The following CACNA2D4 variants were observed in gnomAD, a reference collection of about 807,000 sequenced individuals.
CACNA2D4 encodes voltage-dependent calcium channel subunit alpha-2/delta-4.
A neutral mutation model predicts 163.8 loss-of-function variants in CACNA2D4; 157 were observed. That is an observed-to-expected ratio of 0.96 (90% CI 0.84 to 1.09). The LOEUF is 1.09. Ranked by LOEUF, CACNA2D4 falls within the 50% of genes least tolerant of loss-of-function variation. The pLI is 0.00. For synonymous variants in CACNA2D4, 598 were observed against 586.9 expected, an observed-to-expected ratio of 1.02 and a Z score of -0.27; for missense variants, 1,410 against 1,479.9, an observed-to-expected ratio of 0.95 and a Z score of 0.78.
intron 6 of CACNA2D4, among the ~76,000 whole-genome samples, chr12:1,890,477 C>T (rs144703966): frequency 1.3e-5 from 2 of 152,340 alleles, no homozygotes; most frequent in Non-Finnish European, 2.9e-5. Flanking sequence ...TTTTCATGCA[C>T]CCTGAAGACA....
chr12:1,893,324 T>C (rs1333638482), intron 6 of CACNA2D4, among the ~76,000 whole-genome samples: 1 of 152,086 alleles, frequency 6.6e-6, no homozygotes, highest in East Asian at 1.9e-4. Flanking sequence ...AAGATCAGCC[T>C]GGCCAAGATG....
Position 1,843,155 on chromosome 12 carries a change from T to G in CACNA2D4, c.2470+1247A>C, listed in dbSNP as rs1865067245. On this transcript the variant is annotated intron_variant, in intron 25 of 37. Transcript: ENST00000382722. The surrounding 1 kb of genome is among the most constrained non-coding windows in gnomAD (Gnocchi z 4.6). ...AGCATAGTAGTTATTTGCACGTGTG[T>G]GGAGGGAACAGCACAGGTGGGAGTA... Among the ~76,000 whole-genome samples the G allele has an allele frequency of 6.6e-6, 1 of 152,096 alleles. No individual in the cohort carries two copies. The highest frequency in any genetic ancestry group is 2.1e-4 in the South Asian group (1 of 4,826).
At chr12:1,858,973 C>CACAGGGGGTCCCACAA (rs1429913801) in intron 19 of CACNA2D4, among the ~76,000 whole-genome samples, 2 of 152,314 alleles carry the variant, frequency 1.3e-5, no homozygotes, top group East Asian at 3.9e-4. Flanking sequence ...CTCTCTGTTT[C>CACAGGGGGTCCCACAA]ACAGGGGGTC....
Position 1,883,504 on chromosome 12 carries a change from C to G in CACNA2D4, c.1352-504G>C, listed in dbSNP as rs775969906. Among the ~76,000 whole-genome samples, 10 of 152,166 alleles carry G rather than the reference C, an allele frequency of 6.6e-5. No individual in the cohort carries two copies. Among genetic ancestry groups the G allele is most frequent in the Non-Finnish European group, 1.0e-4 (7 of 68,018 alleles). ...CCTATTCCCTGGAACCATGGTGACACTCCAAAGCGCAGATGGCGCAGAAGG... is the reference window on the plus strand; with the variant it reads ...CCTATTCCCTGGAACCATGGTGACAGTCCAAAGCGCAGATGGCGCAGAAGG... On this transcript the variant is annotated intron_variant, in intron 12 of 37. Coordinates refer to ENST00000382722, the MANE Select transcript of CACNA2D4 (RefSeq NM_172364.5). The surrounding 1 kb of genome is among the most constrained non-coding windows in gnomAD (Gnocchi z 4.5).
At position 1,886,040 on chromosome 12, in the gene CACNA2D4, C is replaced by T. The variant is rs1866134952; in HGVS notation, c.994-1G>A. 6.2e-7 allele frequency: 1 copy of T among 1,612,140 alleles called. No individual in the cohort carries two copies. Among genetic ancestry groups the T allele is most frequent in the Non-Finnish European group, 8.5e-7 (1 of 1,178,308 alleles). On this transcript the variant is annotated splice_acceptor_variant, in intron 8 of 37. Coordinates refer to ENST00000382722, the MANE Select transcript of CACNA2D4 (RefSeq NM_172364.5). LOFTEE classifies it high-confidence loss of function. Reference sequence around the variant, plus strand: ...CGATGTAATGGACGTAGTCATTGTACTGCAGTTGCAGTGAGTTGAGGGGAG... The same window carrying T: ...CGATGTAATGGACGTAGTCATTGTATTGCAGTTGCAGTGAGTTGAGGGGAG...
rs1389778374 is a variant in CACNA2D4, at chr12:1,793,688, A to G, written c.3381T>C (p.Cys1127=). 8.7e-6 allele frequency: 14 copies of G among 1,613,718 alleles called. No homozygotes were observed. Among genetic ancestry groups the G allele is most frequent in the South Asian group, 6.6e-5 (6 of 91,092 alleles). The change falls in exon 38 of 38, where the codon TGT becomes TGC. Residue 1127 remains cysteine, a synonymous_variant. Transcript: ENST00000382722. ...GGAGTTGGGGCAGTAGCCCCCAGGC[A>G]CACACAGGCAGCAGGAGTAGGGGCG... ...ASPPLLLLPV[C]AWGLLPQLLR is the part of the protein sequence containing the mutation.
chr12:1,896,650 C>A (rs868257730), intron 6 of CACNA2D4, among the ~76,000 whole-genome samples: 9,211 of 116,080 alleles, frequency 0.079, 442 homozygotes, highest in South Asian at 0.13. Flanking sequence ...CACACACACA[C>A]ACACAAAACA....
chr12:1,900,815 G>A (rs1279340672), intron 6 of CACNA2D4, among the ~76,000 whole-genome samples: 1 of 152,082 alleles, frequency 6.6e-6, no homozygotes, highest in African/African-American at 2.4e-5. Flanking sequence ...AATCAACAAA[G>A]AAACATCATA....
intron 3 of CACNA2D4, 107 bp downstream of exon 3, chr12:1,912,916 G>A: frequency 1.5e-6 from 1 of 677,772 alleles, no homozygotes; most frequent in Non-Finnish European, 2.7e-6. Context: ...AGATAGGAGA[G>A]GGTCACGAGG....
intron 4 of CACNA2D4, 59 bp from the exon 5 acceptor site, chr12:1,908,096 G>C (rs1866711781): frequency 2.6e-6 from 4 of 1,541,328 alleles, no homozygotes; most frequent in South Asian, 2.4e-5. Context: ...GGCGGAGAGA[G>C]AGGAAGAGAA....
intron 23 of CACNA2D4, among the ~76,000 whole-genome samples, chr12:1,848,169 G>A (rs11062003): frequency 0.16 from 23,681 of 152,150 alleles, 2,388 homozygotes; most frequent in East Asian, 0.4. Flanking sequence ...TCATCACCCC[G>A]GAAAGAAACC....
At chr12:1,800,591 C>T (rs1419353304) in intron 31 of CACNA2D4, 153 bp from the exon 32 acceptor site, 5 of 674,980 alleles carry the variant, frequency 7.4e-6, no homozygotes, top group Middle Eastern at 7.7e-4. Flanking sequence ...AGCCCAGCAC[C>T]CCCCATCCCC....
chr12:1,850,967 C>G (rs2154448145), intron 23 of CACNA2D4, among the ~76,000 whole-genome samples: 1 of 152,326 alleles, frequency 6.6e-6, no homozygotes, highest in South Asian at 2.1e-4. Flanking sequence ...ATTGCAGCCT[C>G]CACCTCCTGG....
chr12:1,831,668 C>T (rs746285739), intron 26 of CACNA2D4: 13 of 690,910 alleles, frequency 1.9e-5, no homozygotes, highest in Non-Finnish European at 3.1e-5. Context: ...GCCAGCTCGG[C>T]TAGAAAAGTC....
At chr12:1,804,786 G>T (rs141991822) in intron 29 of CACNA2D4, among the ~76,000 whole-genome samples, 65 of 152,378 alleles carry the variant, frequency 4.3e-4, no homozygotes, top group East Asian at 5.8e-4. Flanking sequence ...GAAGGCAGGA[G>T]CCCCTCCAGC....
At chr12:1,852,991 T>C (rs1210304288) in intron 23 of CACNA2D4, among the ~76,000 whole-genome samples, 1 of 152,202 alleles carries the variant, frequency 6.6e-6, no homozygotes, top group Non-Finnish European at 1.5e-5. Context: ...CTCAGAACAG[T>C]GCCTGGCCCA....
At chr12:1,804,669 T>C (rs2154445525) in intron 29 of CACNA2D4, among the ~76,000 whole-genome samples, 1 of 152,360 alleles carries the variant, frequency 6.6e-6, no homozygotes. Flanking sequence ...CGGCAGGGAC[T>C]GGCCAATGGA....
At chr12:1,866,271 CACTG>C (rs949530370) in intron 18 of CACNA2D4, among the ~76,000 whole-genome samples, 5 of 152,132 alleles carry the variant, frequency 3.3e-5, no homozygotes, top group African/African-American at 1.2e-4. Context: ...TAATAAATTG[CACTG>C]ACTGATTAAT....
In CACNA2D4 at chr12:1,907,870, G is replaced by T. The variant is rs370133531; in HGVS notation, c.649+5C>A. 2 of 1,613,958 alleles carry T rather than the reference G, an allele frequency of 1.2e-6. No individual in the cohort carries two copies. Among genetic ancestry groups the T allele is most frequent in the South Asian group, 2.2e-5 (2 of 91,078 alleles). ...GAGTGTGCCTGAGCTGAGCGTGCCG[G>T]CTACCTTTGTTGTACACGTTGGTGG... On this transcript the variant is annotated splice_donor_5th_base_variant and intron_variant, in intron 5 of 37. Coordinates refer to ENST00000382722, the MANE Select transcript of CACNA2D4 (RefSeq NM_172364.5).
Sources: allele counts gnomAD v4.1 joint callset (sites outside exome capture counted in the v4.1 genomes callset), GRCh38; gene constraint gnomAD v4.1.1; non-coding constraint Gnocchi (gnomAD v3.1); transcripts MANE v1.5; gene names NCBI Gene and HGNC (gene_info 2026-07-23, HGNC 2026-07-21).